DGKB: variants seen among roughly 807,000 people sequenced by gnomAD.
DGKB encodes the protein diacylglycerol kinase beta, also known as 90 kDa diacylglycerol kinase.
DGKB carries 67 observed loss-of-function variants against 114.3 expected under a neutral mutation model. The ratio of observed to expected loss-of-function variants is 0.59; its 90% CI spans 0.48 to 0.72. The LOEUF (loss-of-function observed/expected upper bound fraction) is 0.72, where lower values mean the gene tolerates loss of function less well. Ranked by LOEUF, DGKB falls within the 30% of genes least tolerant of loss-of-function variation. The pLI is 0.00. For missense variants in DGKB, 907 were observed against 975.2 expected (o/e 0.93, Z 0.93); for synonymous variants, 398 against 323.1 (o/e 1.23, Z -2.49).
intron 20 of DGKB, among the ~76,000 whole-genome samples, chr7:14,514,335 A>G (rs993786339): frequency 3.3e-5 from 5 of 152,172 alleles, no homozygotes; most frequent in Non-Finnish European, 4.4e-5. Context: ...CATATATATG[A>G]GGATCATTTT....
At chr7:14,230,097 C>T (rs1265001088) in intron 23 of DGKB, among the ~76,000 whole-genome samples, 1 of 151,824 alleles carries the variant, frequency 6.6e-6, no homozygotes, top group Non-Finnish European at 1.5e-5. Flanking sequence ...CTCATACTTA[C>T]CTTGTACTAA....
At chr7:14,910,674 T>C (rs1783957785) in intron 1 of DGKB, among the ~76,000 whole-genome samples, 1 of 152,148 alleles carries the variant, frequency 6.6e-6, no homozygotes, top group South Asian at 2.1e-4. Flanking sequence ...TCCAAAGATA[T>C]ACAACCTGTG....
chr7:14,480,291 A>G (rs1782794936), intron 20 of DGKB, among the ~76,000 whole-genome samples: 1 of 152,096 alleles, frequency 6.6e-6, no homozygotes, highest in African/African-American at 2.4e-5. Context: ...TGGATCATTT[A>G]GTTAAGAGGG....
chr7:14,236,323 G>GAGAGT (rs1792766732), intron 23 of DGKB, among the ~76,000 whole-genome samples: 2 of 150,482 alleles, frequency 1.3e-5, no homozygotes, highest in Non-Finnish European at 3.0e-5. Context: ...TAGAAAAATG[G>GAGAGT]AGAGTATTCA....
At chr7:14,640,861 A>G (rs2128873383) in intron 13 of DGKB, among the ~76,000 whole-genome samples, 1 of 152,344 alleles carries the variant, frequency 6.6e-6, no homozygotes, top group African/African-American at 2.4e-5. Flanking sequence ...TGCAAGGTGG[A>G]ATTTATCCCT....
At chr7:14,188,952 T>C (rs1254943060) in intron 23 of DGKB, among the ~76,000 whole-genome samples, 1 of 151,798 alleles carries the variant, frequency 6.6e-6, no homozygotes, top group Non-Finnish European at 1.5e-5. Flanking sequence ...TTTCCAGAAA[T>C]GAAGAAGAAA....
At chr7:14,164,010 A>G (rs1784285340) in intron 25 of DGKB, among the ~76,000 whole-genome samples, 1 of 144,962 alleles carries the variant, frequency 6.9e-6, no homozygotes, top group South Asian at 2.1e-4. Flanking sequence ...ACAAAAAACA[A>G]ACAAAAAAAA....
At chr7:14,196,212 G>A (rs964223700) in intron 23 of DGKB, among the ~76,000 whole-genome samples, 1 of 152,028 alleles carries the variant, frequency 6.6e-6, no homozygotes, top group African/African-American at 2.4e-5. Flanking sequence ...ACTGAGACAG[G>A]GACTGTTATT....
At chr7:14,584,816 C>T (rs1017534653) in intron 17 of DGKB, among the ~76,000 whole-genome samples, 20 of 151,806 alleles carry the variant, frequency 1.3e-4, no homozygotes, top group Admixed American at 9.9e-4. Context: ...CCTGCCACCA[C>T]GCCTGGCTAA....
chr7:14,500,253 C>T (rs1342577920), intron 20 of DGKB, among the ~76,000 whole-genome samples: 2 of 151,738 alleles, frequency 1.3e-5, no homozygotes, highest in Non-Finnish European at 2.9e-5. Flanking sequence ...TTGATCCAGA[C>T]TATAAGTTTT....
At chr7:14,296,785 A>C (rs1229776698) in intron 23 of DGKB, among the ~76,000 whole-genome samples, 1 of 137,444 alleles carries the variant, frequency 7.3e-6, no homozygotes, top group Non-Finnish European at 1.6e-5. Context: ...TTTTTTTTTA[A>C]AGATTAACAA....
At chr7:14,433,344 G>A (rs1253470173) in intron 21 of DGKB, among the ~76,000 whole-genome samples, 1 of 152,062 alleles carries the variant, frequency 6.6e-6, no homozygotes, top group East Asian at 1.9e-4. Context: ...ATTCTTGCAT[G>A]CAAATTTCCA....
chr7:14,757,277 T>C (rs1835017261), intron 3 of DGKB, among the ~76,000 whole-genome samples: 1 of 152,042 alleles, frequency 6.6e-6, no homozygotes, highest in African/African-American at 2.4e-5. Context: ...CCTTCTCTAT[T>C]TTATCCAATG....
chr7:14,148,781 C>A lies in DGKB; in HGVS notation c.*350G>T. ...TGGAATCACACTGAGAATCACGTTT[C>A]CCATGGTATTTCCTTTTTCATGTTT... On this transcript the variant is annotated 3_prime_UTR_variant, in exon 26 of 26. Coordinates refer to ENST00000402815, the MANE Select transcript of DGKB (RefSeq NM_001350709.2). The A allele has an allele frequency of 3.2e-6, 1 of 317,028 alleles. No homozygotes were observed. The highest frequency in any genetic ancestry group is 5.9e-6 in the Non-Finnish European group (1 of 168,796). The allele number at this position is 317,028 out of a possible 1,614,324, so 19.6% of individuals were successfully genotyped here. A position where few individuals can be genotyped will look rare whatever the true frequency, so the allele number is the denominator to read the frequency against.
chr7:14,720,952 G>A (rs1365486097), intron 5 of DGKB, among the ~76,000 whole-genome samples: 4 of 151,854 alleles, frequency 2.6e-5, no homozygotes, highest in Non-Finnish European at 2.9e-5. Flanking sequence ...ACATTTTGGC[G>A]CTGACCCTTG....
intron 20 of DGKB, among the ~76,000 whole-genome samples, chr7:14,485,266 T>C (rs1255142659): frequency 6.6e-6 from 1 of 151,304 alleles, no homozygotes; most frequent in Non-Finnish European, 1.5e-5. Context: ...TCTGCTAGAT[T>C]GCATTTTTTG....
intron 1 of DGKB, among the ~76,000 whole-genome samples, chr7:14,868,537 T>A (rs957703956): frequency 3.9e-5 from 6 of 152,028 alleles, no homozygotes; most frequent in Non-Finnish European, 7.4e-5. Context: ...GGTTTCACCA[T>A]GTTGGCTAGG....
At chr7:14,665,430 C>T (rs1817865717) in intron 13 of DGKB, among the ~76,000 whole-genome samples, 1 of 151,738 alleles carries the variant, frequency 6.6e-6, no homozygotes, top group Non-Finnish European at 1.5e-5. Flanking sequence ...AGGCTTAGTA[C>T]CTGGGTGATG....
chr7:14,659,574 A>G (rs912721393), intron 13 of DGKB, among the ~76,000 whole-genome samples: 4 of 148,260 alleles, frequency 2.7e-5, no homozygotes, highest in Admixed American at 1.4e-4. Context: ...ATTTTTGTAC[A>G]TTGATTTTGT....
Sources: allele counts gnomAD v4.1 joint callset (sites outside exome capture counted in the v4.1 genomes callset), GRCh38; gene constraint gnomAD v4.1.1; transcripts MANE v1.5; gene names NCBI Gene and HGNC (gene_info 2026-07-23, HGNC 2026-07-21).